GPAT3: variants seen among roughly 807,000 people sequenced by gnomAD.
GPAT3 encodes 1-AGP acyltransferase 9.
A neutral mutation model predicts 58.8 loss-of-function variants in GPAT3; 53 were observed. That is an observed-to-expected ratio of 0.90 (90% confidence interval 0.72 to 1.13). The LOEUF (loss-of-function observed/expected upper bound fraction) is 1.13. GPAT3 is among the 50% of genes most tolerant of loss of function. The pLI, the probability that GPAT3 is intolerant of heterozygous loss-of-function variation, is 0.00. For missense variants in GPAT3, 511 were observed against 527.6 expected (o/e 0.97, Z 0.31); for synonymous variants, 197 against 187.4 (o/e 1.05, Z -0.42).
Position 83,598,134 on chromosome 4 carries a change from G to A in GPAT3, c.1080G>A (p.Trp360Ter), listed in dbSNP as rs1726917630. The A allele has an allele frequency of 6.2e-7, 1 of 1,613,406 alleles. No individual in the cohort carries two copies. Among genetic ancestry groups the A allele is most frequent in the Non-Finnish European group, 8.5e-7 (1 of 1,179,748 alleles). Residue 360 changes from tryptophan (W) to a stop codon, truncating the protein, a stop_gained, in exon 10 of 12, where the codon TGG becomes TGA. Transcript: ENST00000264409. LOFTEE classifies it high-confidence loss of function. ...ACCTGCTTCGAATGATGACCAGCTG[G>A]GCCATCGTCTGTGACGTGTGGTACA... is the stretch of plus-strand genomic sequence containing the variant. ...VSYLLRMMTS[W>*]AIVCDVWYMP...
chr4:83,562,863 C>T (rs946951153), intron 2 of GPAT3, among the ~76,000 whole-genome samples: 6 of 152,030 alleles, frequency 3.9e-5, no homozygotes, highest in African/African-American at 1.5e-4. Context: ...ATTCTTCTGT[C>T]CACTGCTACT....
At chr4:83,536,875 C>T (rs56139069) in intron 1 of GPAT3, 112 bp downstream of exon 1, 2 of 985,550 alleles carry the variant, frequency 2.0e-6, no homozygotes, top group East Asian at 2.5e-5. Flanking sequence ...CGCGCGTGTG[C>T]ATGCGTGCGT....
intron 2 of GPAT3, among the ~76,000 whole-genome samples, chr4:83,561,698 C>T (rs776317064): frequency 5.3e-5 from 8 of 151,242 alleles, no homozygotes; most frequent in Non-Finnish European, 1.0e-4. Context: ...CTGTGCTAAT[C>T]GATAAAGAAG....
rs536552730 is a variant in GPAT3 at position 83,588,150 on chromosome 4, A to T, written c.555-60A>T. Reference sequence around the variant, plus strand: ...TGTGAAAAAGCACATTAAAACCTTTATTATATTGTTTCTTAAGAGTGCCCA... The same window carrying T: ...TGTGAAAAAGCACATTAAAACCTTTTTTATATTGTTTCTTAAGAGTGCCCA... On this transcript the variant is annotated intron_variant, in intron 4 of 11. Coordinates refer to ENST00000264409, the MANE Select transcript of GPAT3 (RefSeq NM_032717.5). 62 of 1,462,106 alleles carry T rather than the reference A, an allele frequency of 4.2e-5. No homozygotes were observed. The African/African-American group carries it at 8.1e-4, about 19-fold the overall frequency. 90.6% of individuals were successfully genotyped at this position (1,462,106 alleles called of 1,614,324 possible). A position where few individuals can be genotyped will look rare whatever the true frequency, so the allele number is the denominator to read the frequency against.
intron 6 of GPAT3, among the ~76,000 whole-genome samples, chr4:83,593,915 A>G (rs192892800): frequency 2.2e-4 from 34 of 152,252 alleles, no homozygotes; most frequent in African/African-American, 7.9e-4. Flanking sequence ...ATGCTTCCAA[A>G]TGTCAAAACT....
At chr4:83,542,320 C>A (rs1002600403) in intron 1 of GPAT3, among the ~76,000 whole-genome samples, 10 of 152,192 alleles carry the variant, frequency 6.6e-5, no homozygotes, top group Non-Finnish European at 1.5e-4. Flanking sequence ...GAAACAGTTA[C>A]CTCAGTTGAG....
chr4:83,600,664 A>G (rs7655369), intron 11 of GPAT3, among the ~76,000 whole-genome samples: 81,879 of 151,698 alleles, frequency 0.54, 22,904 homozygotes, highest in Middle Eastern at 0.73. Flanking sequence ...CACCATCCCC[A>G]GCTAATTTTT....
At chr4:83,555,390 ATCATTTAATCATT>A (rs1332291210) in intron 2 of GPAT3, among the ~76,000 whole-genome samples, 1 of 145,756 alleles carries the variant, frequency 6.9e-6, no homozygotes, top group Non-Finnish European at 1.5e-5. Context: ...GATTAAATCG[ATCATTTAATCATT>A]TTATGGAAGC....
intron 2 of GPAT3, among the ~76,000 whole-genome samples, chr4:83,545,942 TTTTAA>T (rs1724488995): frequency 6.6e-6 from 1 of 152,142 alleles, no homozygotes; most frequent in African/African-American, 2.4e-5. Context: ...GGGCCATGAA[TTTTAA>T]TTTAATTTAA....
intron 11 of GPAT3, among the ~76,000 whole-genome samples, chr4:83,603,529 G>T (rs1461974443): frequency 6.6e-6 from 1 of 152,160 alleles, no homozygotes; most frequent in East Asian, 1.9e-4. Context: ...GGTGGCTCAC[G>T]CCTGTAATCC....
chr4:83,555,775 C>T (rs184351161), intron 2 of GPAT3, among the ~76,000 whole-genome samples: 13 of 152,234 alleles, frequency 8.5e-5, no homozygotes, highest in Non-Finnish European at 1.6e-4. Flanking sequence ...GAAGTGGAGG[C>T]GGTCTTGTAG....
intron 3 of GPAT3, 148 bp from the exon 4 acceptor site, chr4:83,587,107 T>C (rs1726404269): frequency 3.1e-6 from 2 of 650,536 alleles, no homozygotes; most frequent in Non-Finnish European, 5.4e-6. Flanking sequence ...TAGATCTATA[T>C]AGATTTACCC....
intron 2 of GPAT3, among the ~76,000 whole-genome samples, chr4:83,570,595 C>A (rs1725569412): frequency 6.6e-6 from 1 of 151,674 alleles, no homozygotes; most frequent in Non-Finnish European, 1.5e-5. Context: ...GCCTCAGCCT[C>A]CTGAGTAGCC....
rs541910157 is a variant in GPAT3, at chr4:83,590,270, C to G, written c.716C>G (p.Thr239Arg). 1 of 1,613,700 alleles carries G rather than the reference C, an allele frequency of 6.2e-7. No homozygotes were observed. Among genetic ancestry groups the G allele is most frequent in the Non-Finnish European group, 8.5e-7 (1 of 1,179,738 alleles). Residue 239 changes from threonine (T) to arginine (R), a missense_variant, in exon 6 of 12, where the codon ACA (threonine) becomes AGA (arginine). Coordinates refer to ENST00000264409, the MANE Select transcript of GPAT3 (RefSeq NM_032717.5). ...HTSPIDVLILTTDGCYAMVGQ... is the reference protein window; with the variant it reads ...HTSPIDVLILRTDGCYAMVGQ... Reference sequence around the variant, plus strand: ...TCCCCCATTGATGTTTTAATCTTGACAACGGATGGATGTTATGCTATGGTA... The same window carrying G: ...TCCCCCATTGATGTTTTAATCTTGAGAACGGATGGATGTTATGCTATGGTA...
At chr4:83,590,117 C>A in intron 5 of GPAT3, 82 bp from the exon 6 acceptor site, 2 of 1,291,452 alleles carry the variant, frequency 1.5e-6, no homozygotes, top group South Asian at 1.3e-5. Flanking sequence ...TACACACACA[C>A]ACACTTAAAA....
At chr4:83,593,675 A>T (rs1207435215) in intron 6 of GPAT3, among the ~76,000 whole-genome samples, 1 of 152,156 alleles carries the variant, frequency 6.6e-6, no homozygotes, top group Non-Finnish European at 1.5e-5. Context: ...ACTACAAAAA[A>T]AAAGGTAGTA....
At chr4:83,580,926 C>G (rs960349958) in intron 2 of GPAT3, among the ~76,000 whole-genome samples, 1 of 151,822 alleles carries the variant, frequency 6.6e-6, no homozygotes, top group East Asian at 1.9e-4. Flanking sequence ...GAAACCCTGT[C>G]TCTATTAAAA....
chr4:83,568,542 C>G (rs1336162053), intron 2 of GPAT3, among the ~76,000 whole-genome samples: 1 of 150,132 alleles, frequency 6.7e-6, no homozygotes. Context: ...GAGTCTCGCT[C>G]TGTTGCCCAG....
intron 3 of GPAT3, among the ~76,000 whole-genome samples, chr4:83,586,171 G>A (rs1003576711): frequency 2.0e-5 from 3 of 152,198 alleles, no homozygotes; most frequent in Non-Finnish European, 2.9e-5. Flanking sequence ...ATAGTGTTAG[G>A]TGTTGCTTCA....
Sources: allele counts gnomAD v4.1 joint callset (sites outside exome capture counted in the v4.1 genomes callset), GRCh38; gene constraint gnomAD v4.1.1; transcripts MANE v1.5; gene names NCBI Gene and HGNC (gene_info 2026-07-23, HGNC 2026-07-21).